Variants in FNBP1 observed in about 807,000 individuals in gnomAD.
FNBP1 encodes the protein formin-binding protein 1.
Under a neutral mutation model 90.6 loss-of-function variants are expected in FNBP1, and 26 were observed. The ratio of observed to expected loss-of-function variants is 0.29; its 90% CI spans 0.21 to 0.40. FNBP1 has a LOEUF of 0.40. Ranked by LOEUF, FNBP1 falls within the 10% of genes least tolerant of loss-of-function variation. The pLI is 1.00. For synonymous variants in FNBP1, 260 were observed against 265.2 expected (o/e 0.98, Z 0.19); for missense variants, 635 against 768.0 (o/e 0.83, Z 2.05).
At chr9:129,940,768 A>G (rs912258856) in intron 6 of FNBP1, among the ~76,000 whole-genome samples, 11 of 151,994 alleles carry the variant, frequency 7.2e-5, no homozygotes, top group Non-Finnish European at 1.2e-4. Flanking sequence ...CTGGGACTAC[A>G]GGCGCACACC....
At chr9:129,978,177 C>T (rs10819584) in intron 4 of FNBP1, among the ~76,000 whole-genome samples, 38,307 of 151,870 alleles carry the variant, frequency 0.25, 5,209 homozygotes, top group Non-Finnish European at 0.31. Context: ...CATGCCACCA[C>T]GCCTGGCTAA....
chr9:130,052,470 T>C, the FNBP1 span, among the ~76,000 whole-genome samples: 2 of 152,128 alleles, frequency 1.3e-5, no homozygotes, highest in Non-Finnish European at 2.9e-5. Context: ...TCTCACTCTG[T>C]CACCCAGGCT....
At chr9:129,999,971 A>G (rs1041621342) in intron 1 of FNBP1, among the ~76,000 whole-genome samples, 2 of 152,198 alleles carry the variant, frequency 1.3e-5, no homozygotes, top group Non-Finnish European at 2.9e-5. Flanking sequence ...CTAGAAAACA[A>G]AGGACACTTC....
In FNBP1 at chr9:129,988,938, A is replaced by C. The variant is rs568537462; in HGVS notation, c.140+5905T>G. ...AGAAAAAAAATATTTAATGATAGTT[A>C]TCTCTCCCAAAGGCCACAATGATTT... On this transcript the variant is annotated intron_variant, in intron 2 of 16. Transcript: ENST00000446176. Among the ~76,000 whole-genome samples the C allele has an allele frequency of 2.0e-5, 3 of 152,310 alleles. No individual in the cohort carries two copies. The South Asian group carries it at 6.2e-4, about 32-fold the overall frequency.
rs554047145 is a variant in FNBP1, at chr9:129,945,434, C to T, written c.513+11926G>A. On this transcript the variant is annotated intron_variant, in intron 6 of 16. Coordinates refer to ENST00000446176, the MANE Select transcript of FNBP1 (RefSeq NM_015033.3). ...AGTGAACAATTCCTTCAGATGACTA[C>T]AGTCAGACATTTTAGAAGAAACAGA... Among the ~76,000 whole-genome samples the T allele has an allele frequency of 2.0e-5, 3 of 152,142 alleles. No individual in the cohort carries two copies. The South Asian group carries it at 6.2e-4, about 31-fold the overall frequency.
chr9:129,975,874 G>T (rs2050224299), intron 4 of FNBP1, among the ~76,000 whole-genome samples: 1 of 127,632 alleles, frequency 7.8e-6, no homozygotes, highest in African/African-American at 2.9e-5. Flanking sequence ...CTGCACTCCA[G>T]TCTGGGCAAC....
chr9:129,996,280 C>T (rs949199065), intron 1 of FNBP1, among the ~76,000 whole-genome samples: 13 of 152,006 alleles, frequency 8.6e-5, no homozygotes, highest in African/African-American at 3.1e-4. Flanking sequence ...ACACCAAAGA[C>T]GACAGCAAGG....
chr9:130,032,953 G>C (rs2058934591), intron 1 of FNBP1, among the ~76,000 whole-genome samples: 1 of 152,048 alleles, frequency 6.6e-6, no homozygotes, highest in Non-Finnish European at 1.5e-5. Flanking sequence ...CGATTTCCAG[G>C]CATTTTCCAA....
At chr9:130,004,868 C>G (rs938052201) in intron 1 of FNBP1, among the ~76,000 whole-genome samples, 1 of 151,978 alleles carries the variant, frequency 6.6e-6, no homozygotes, top group Non-Finnish European at 1.5e-5. Context: ...GAGTTCAAGA[C>G]CAGCCTGGCC....
Position 129,978,616 on chromosome 9 carries a change from T to C in FNBP1, c.198-4A>G. The C allele has an allele frequency of 1.2e-6, 2 of 1,613,452 alleles. No homozygotes were observed. The highest frequency in any genetic ancestry group is 1.7e-6 in the Non-Finnish European group (2 of 1,179,562). ...GAAAGCTTTACATGACGTATACCTA[T>C]GGAACAGAACACACGCCACTCTGTT... is the stretch of plus-strand genomic sequence containing the variant. On this transcript the variant is annotated splice_polypyrimidine_tract_variant and splice_region_variant and intron_variant, in intron 3 of 16. Coordinates refer to ENST00000446176, the MANE Select transcript of FNBP1 (RefSeq NM_015033.3).
intron 6 of FNBP1, among the ~76,000 whole-genome samples, chr9:129,941,257 C>T (rs983947628): frequency 2.0e-5 from 3 of 152,060 alleles, no homozygotes; most frequent in African/African-American, 7.2e-5. Context: ...TGCATGGTGG[C>T]CCACGCCTGT....
intron 1 of FNBP1, among the ~76,000 whole-genome samples, chr9:130,012,093 T>C (rs747304336): frequency 5.9e-5 from 9 of 152,178 alleles, no homozygotes; most frequent in Non-Finnish European, 7.3e-5. Flanking sequence ...AACAGGTCCA[T>C]GCAAAAATGA....
At chr9:129,979,465 T>C in intron 2 of FNBP1, 91 bp from the exon 3 acceptor site, 1 of 926,908 alleles carries the variant, frequency 1.1e-6, no homozygotes, top group Non-Finnish European at 1.7e-6. Context: ...TTGTTACAAG[T>C]TTAAAACAAA....
At chr9:129,894,596 C>A (rs941486621) in intron 16 of FNBP1, among the ~76,000 whole-genome samples, 1 of 152,214 alleles carries the variant, frequency 6.6e-6, no homozygotes, top group Non-Finnish European at 1.5e-5. Context: ...TGCTGCCACA[C>A]CACGTTCTCT....
Position 129,900,529 on chromosome 9 carries a change from C to A in FNBP1, c.1447G>T (p.Glu483Ter). ...TCGCTGCGTGCTGGGAGCCGGCCTTCAACCTCAGCCAGCCAGGCCTGGAGA... is the reference window on the plus strand; with the variant it reads ...TCGCTGCGTGCTGGGAGCCGGCCTTAAACCTCAGCCAGCCAGGCCTGGAGA... ...QKFEAWLAEV[E>*]GRLPARSEQA... Residue 483 changes from glutamate to a stop codon, truncating the protein, a stop_gained, in exon 14 of 17, where the codon GAA (glutamate) becomes TAA (stop). Coordinates refer to ENST00000446176, the MANE Select transcript of FNBP1 (RefSeq NM_015033.3). LOFTEE classifies it high-confidence loss of function. The surrounding 1 kb of genome is among the most constrained non-coding windows in gnomAD (Gnocchi z 4.1). 6.4e-7 allele frequency: 1 copy of A among 1,574,242 alleles called. No homozygotes were observed. Among genetic ancestry groups the A allele is most frequent in the Non-Finnish European group, 8.6e-7 (1 of 1,163,952 alleles).
chr9:130,024,160 A>G (rs2058118295), intron 1 of FNBP1, among the ~76,000 whole-genome samples: 1 of 152,084 alleles, frequency 6.6e-6, no homozygotes, highest in African/African-American at 2.4e-5. Flanking sequence ...AAGTAATCCC[A>G]ACACTTTGGG....
intron 2 of FNBP1, among the ~76,000 whole-genome samples, chr9:129,983,963 C>T (rs1045065568): frequency 6.6e-6 from 1 of 152,044 alleles, no homozygotes; most frequent in African/African-American, 2.4e-5. Flanking sequence ...TTCAGGTAGC[C>T]TGACTAAAAG....
chr9:129,910,857 GTGTGTGTGTA>G (rs1045344017), intron 11 of FNBP1, among the ~76,000 whole-genome samples: 10 of 132,914 alleles, frequency 7.5e-5, no homozygotes, highest in East Asian at 2.0e-4. Flanking sequence ...ATGTGTGTGT[GTGTGTGTGTA>G]TGTGTGTGAG....
chr9:130,016,556 C>T (rs1274900951), intron 1 of FNBP1, among the ~76,000 whole-genome samples: 1 of 152,132 alleles, frequency 6.6e-6, no homozygotes, highest in Non-Finnish European at 1.5e-5. Context: ...CCAGCCTGAC[C>T]AACATGGAGA....
Sources: allele counts gnomAD v4.1 joint callset (sites outside exome capture counted in the v4.1 genomes callset), GRCh38; gene constraint gnomAD v4.1.1; non-coding constraint Gnocchi (gnomAD v3.1); transcripts MANE v1.5; gene names NCBI Gene and HGNC (gene_info 2026-07-23, HGNC 2026-07-21).